Variants in ABR observed in about 807,000 individuals in gnomAD.
ABR encodes the protein ABR activator of RhoGEF and GTPase, also known as active breakpoint cluster region-related protein.
A neutral mutation model predicts 107.2 loss-of-function variants in ABR; 35 were observed. The ratio of observed to expected loss-of-function variants is 0.33; its 90% CI spans 0.25 to 0.43. The LOEUF (loss-of-function observed/expected upper bound fraction) is 0.43. Among genes scored for constraint, ABR ranks in the 20% least tolerant of loss-of-function variants. The pLI is 1.00. For synonymous variants in ABR, 498 were observed against 462.0 expected (o/e 1.08, Z -1.00); for missense variants, 815 against 1,115.2 (o/e 0.73, Z 3.83).
intron 16 of ABR, among the ~76,000 whole-genome samples, chr17:1,030,164 A>G (rs1243196231): frequency 6.6e-6 from 1 of 152,192 alleles, no homozygotes; most frequent in East Asian, 1.9e-4. Flanking sequence ...GGAATTCTTG[A>G]AGGGGCTTCT....
At chr17:1,216,592 C>A (rs1014896190) in intron 1 of ABR, among the ~76,000 whole-genome samples, 1 of 152,184 alleles carries the variant, frequency 6.6e-6, no homozygotes, top group African/African-American at 2.4e-5. Flanking sequence ...CTAGGTAAAA[C>A]CTGGTTTTAA....
intron 12 of ABR, 197 bp downstream of exon 12, chr17:1,057,770 AATC>A (rs1254622676): frequency 9.0e-6 from 5 of 558,266 alleles, no homozygotes; most frequent in East Asian, 6.2e-5. Context: ...CCCAGGACTA[AATC>A]ATCATGTCTT....
intron 1 of ABR, among the ~76,000 whole-genome samples, chr17:1,193,004 C>A (rs970047674): frequency 2.0e-5 from 3 of 152,182 alleles, no homozygotes; most frequent in Non-Finnish European, 4.4e-5. Context: ...GCCGAGATTG[C>A]GCCATTGCAC....
chr17:1,043,982 C>T (rs771547385), intron 16 of ABR, among the ~76,000 whole-genome samples: 1 of 152,196 alleles, frequency 6.6e-6, no homozygotes, highest in African/African-American at 2.4e-5. Flanking sequence ...AGTCTGGGGA[C>T]GCTGGCAGAA....
At chr17:1,068,931 C>T (rs180779572) in intron 9 of ABR, among the ~76,000 whole-genome samples, 11 of 152,314 alleles carry the variant, frequency 7.2e-5, no homozygotes, top group African/African-American at 2.6e-4. Flanking sequence ...TGTCACGGCA[C>T]CTGGCATGGC....
chr17:1,225,546 G>C (rs1484654402), intron 1 of ABR, among the ~76,000 whole-genome samples: 2 of 152,234 alleles, frequency 1.3e-5, no homozygotes, highest in East Asian at 3.9e-4. Flanking sequence ...CAGCTACTCA[G>C]GAGGCTGAGG....
intron 14 of ABR, among the ~76,000 whole-genome samples, chr17:1,054,913 A>C (rs1279062101): frequency 1.3e-5 from 2 of 151,978 alleles, no homozygotes; most frequent in African/African-American, 4.8e-5. Context: ...AAGAGCAGGG[A>C]GTGGGAGGGG....
intron 1 of ABR, among the ~76,000 whole-genome samples, chr17:1,167,665 A>G (rs1214609996): frequency 1.3e-5 from 2 of 152,228 alleles, no homozygotes; most frequent in African/African-American, 2.4e-5. Flanking sequence ...AGCATGAAAC[A>G]GGATAAAAAT....
chr17:1,118,317 G>C (rs71358534), intron 2 of ABR, among the ~76,000 whole-genome samples: 1 of 36,770 alleles, frequency 2.7e-5, no homozygotes, highest in Non-Finnish European at 5.3e-5. Context: ...TCTCCCCAGC[G>C]TTATCCCTGA....
At position 1,070,522 on chromosome 17, in the gene ABR, A is replaced by G. The variant is rs1432323699; in HGVS notation, c.895-432T>C. ...TGGGGCACGAACATCCCCGTTTGCA[A>G]TCCCTCCCGACCGCGGCGGCGAACT... On this transcript the variant is annotated intron_variant, in intron 8 of 22. Transcript: ENST00000302538. The surrounding 1 kb of genome is among the most constrained non-coding windows in gnomAD (Gnocchi z 4.2). Among the ~76,000 whole-genome samples the G allele has an allele frequency of 2.0e-5, 3 of 151,922 alleles. No homozygotes were observed. The highest frequency in any genetic ancestry group is 3.2e-3 in the Middle Eastern group (1 of 316).
chr17:1,109,236 G>T, intron 2 of ABR: 3 of 682,686 alleles, frequency 4.4e-6, no homozygotes, highest in Non-Finnish European at 6.2e-6. Context: ...AGCCCGCTCC[G>T]CCGCCGCCGC....
Position 1,013,151 on chromosome 17 carries a change from G to A in ABR, c.1805C>T (p.Thr602Ile). Residue 602 changes from threonine (T) to isoleucine (I), a missense_variant, in exon 17 of 23, where the codon ACC (threonine) becomes ATC (isoleucine). Thr to Ile is a moderately conservative substitution (Grantham distance 89, BLOSUM62 -1). Transcript: ENST00000302538. The part of the protein sequence containing the change: ...GKGQIQLDPQ[T>I]VETKNWHTDV... ...CGTGTGCCAGTTCTTGGTCTCCACG[G>A]TTTGTGGGTCCAGCTGCAGAGAGAG... The A allele has an allele frequency of 6.2e-7, 1 of 1,614,162 alleles. No homozygotes were observed. Among genetic ancestry groups the A allele is most frequent in the South Asian group, 1.1e-5 (1 of 91,090 alleles).
intron 7 of ABR, among the ~76,000 whole-genome samples, chr17:1,073,379 G>A (rs753629180): frequency 6.6e-5 from 10 of 152,088 alleles, no homozygotes; most frequent in Non-Finnish European, 1.3e-4. Context: ...AGGAGGCAGC[G>A]GGTGGGGAAG....
chr17:1,012,626 C>CA, intron 18 of ABR, 62 bp downstream of exon 18: 1 of 1,285,476 alleles, frequency 7.8e-7, no homozygotes, highest in South Asian at 1.3e-5. Context: ...GGCTGGGGGG[C>CA]CCGGGCTGGG....
At chr17:1,058,108 C>A in intron 11 of ABR, 63 bp from the exon 12 acceptor site, 1 of 1,086,298 alleles carries the variant, frequency 9.2e-7, no homozygotes, top group Non-Finnish European at 1.4e-6. Flanking sequence ...CTCCCAGATC[C>A]TGGGGACCCC....
intron 1 of ABR, among the ~76,000 whole-genome samples, chr17:1,174,509 G>A (rs186175426): frequency 7.9e-5 from 12 of 152,300 alleles, no homozygotes; most frequent in African/African-American, 2.2e-4. Flanking sequence ...CTGGAGACAG[G>A]CTTACATCTC....
rs868632148 is a variant in ABR, at chr17:1,023,104, G to A, written c.1792-9940C>T. ...CCACGTCCACTGCAGAGCCTCTGCC[G>A]GCCCCACGTCCACTACAGCGCCTCT... is the stretch of plus-strand genomic sequence containing the variant. On this transcript the variant is annotated intron_variant, in intron 16 of 22. Transcript: ENST00000302538. Among the ~76,000 whole-genome samples, 101 of 142,746 alleles carry A rather than the reference G, an allele frequency of 7.1e-4. 1 individual carries two copies. Among genetic ancestry groups the A allele is most frequent in the African/African-American group, 2.3e-3 (85 of 36,786 alleles). The allele number at this position is 142,746 out of a possible 152,430, so 93.6% of individuals were successfully genotyped here.
At chr17:1,113,049 G>A (rs2018163) in intron 2 of ABR, among the ~76,000 whole-genome samples, 76,918 of 149,142 alleles carry the variant, frequency 0.52, 20,985 homozygotes, top group Non-Finnish European at 0.59. Context: ...TTTGTTAGCC[G>A]CCTGCTGTGC....
At position 1,013,223 on chromosome 17, in the gene ABR, C is replaced by T. The variant is rs549148622; in HGVS notation, c.1792-59G>A. On this transcript the variant is annotated intron_variant, in intron 16 of 22. Coordinates refer to ENST00000302538, the MANE Select transcript of ABR (RefSeq NM_021962.5). ...AGCTCGGAGGCCAAGCCAGAGATCT[C>T]CCCGTGGGTCAGCACTGCTCAGAGC... is the stretch of plus-strand genomic sequence containing the variant. 1.9e-6 allele frequency: 3 copies of T among 1,543,154 alleles called. No individual in the cohort carries two copies. The East Asian group carries it at 6.8e-5, about 35-fold the overall frequency.
Sources: gnomAD v4.1 joint callset for allele counts (sites outside exome capture counted in the v4.1 genomes callset) on GRCh38, gnomAD v4.1.1 for gene constraint, Gnocchi (gnomAD v3.1) non-coding constraint, MANE v1.5 for transcripts, NCBI Gene and HGNC (gene_info 2026-07-23, HGNC 2026-07-21) for gene names.